The following SGCD variants were observed in gnomAD, a reference collection of about 807,000 sequenced individuals.
The protein encoded by SGCD is sarcoglycan delta.
Under a neutral mutation model 36.6 loss-of-function variants are expected in SGCD, and 18 were observed. The ratio of observed to expected loss-of-function variants is 0.49; its 90% CI spans 0.34 to 0.73. The LOEUF (loss-of-function observed/expected upper bound fraction) is 0.73, where lower values mean the gene tolerates loss of function less well. SGCD is among the 30% of genes least tolerant of loss of function. The probability of loss-of-function intolerance (pLI) is 0.01; values close to 1 mark genes in which losing one functional copy is unlikely to be tolerated. For synonymous variants in SGCD, 133 were observed against 130.6 expected (o/e 1.02, Z -0.12); for missense variants, 387 against 346.7 (o/e 1.12, Z -0.92).
chr5:156,704,248 G>C (rs1001650260), intron 7 of SGCD: 1 of 152,098 alleles, frequency 6.6e-6, no homozygotes, highest in African/African-American at 2.4e-5. Flanking sequence ...ATATCCGCCA[G>C]GCTTCTATCC....
At chr5:156,725,492 G>C (rs548159506) in intron 7 of SGCD, among the ~76,000 whole-genome samples, 1 of 152,212 alleles carries the variant, frequency 6.6e-6, no homozygotes, top group African/African-American at 2.4e-5. Flanking sequence ...ATGTGAGATG[G>C]AGTCCAGAGC....
intron 3 of SGCD, among the ~76,000 whole-genome samples, chr5:156,287,151 G>A (rs1292283460): frequency 1.3e-5 from 2 of 152,068 alleles, no homozygotes; most frequent in Non-Finnish European, 2.9e-5. Flanking sequence ...CCTAGTACAT[G>A]GGCTATTATA....
the SGCD span, among the ~76,000 whole-genome samples, chr5:155,754,000 T>G: frequency 3.3e-5 from 5 of 152,214 alleles, no homozygotes; most frequent in African/African-American, 1.2e-4. Context: ...ACTGACATGA[T>G]TCACTCATTG....
chr5:156,689,449 T>C (rs1288192797), intron 7 of SGCD, among the ~76,000 whole-genome samples: 2 of 152,048 alleles, frequency 1.3e-5, no homozygotes, highest in Non-Finnish European at 2.9e-5. Context: ...CAAAAAGGAA[T>C]ATGAGGGATA....
intron 1 of SGCD, among the ~76,000 whole-genome samples, chr5:155,991,669 C>A (rs1364887571): frequency 1.3e-5 from 2 of 152,144 alleles, no homozygotes; most frequent in African/African-American, 4.8e-5. Flanking sequence ...TGATAGCATT[C>A]TTTTGAACTC....
chr5:156,647,988 C>G (rs1763295207), intron 7 of SGCD, among the ~76,000 whole-genome samples: 2 of 152,114 alleles, frequency 1.3e-5, no homozygotes, highest in Non-Finnish European at 2.9e-5. Context: ...GTTCCAGGTG[C>G]TGATGTTAAT....
chr5:156,463,785 A>G (rs1452586224), intron 3 of SGCD, among the ~76,000 whole-genome samples: 1 of 152,140 alleles, frequency 6.6e-6, no homozygotes, highest in African/African-American at 2.4e-5. Flanking sequence ...GCTTTAGCTC[A>G]GGAGTTCTAG....
At chr5:156,753,292 G>A (rs775691851) in intron 7 of SGCD, among the ~76,000 whole-genome samples, 2 of 152,166 alleles carry the variant, frequency 1.3e-5, no homozygotes, top group Non-Finnish European at 1.5e-5. Flanking sequence ...CTTCAGTGAG[G>A]CTCTTCTTTC....
intron 6 of SGCD, among the ~76,000 whole-genome samples, chr5:156,615,738 A>C (rs1329007105): frequency 6.6e-6 from 1 of 152,226 alleles, no homozygotes. Flanking sequence ...AGGGAGATAG[A>C]TACACTTGGC....
chr5:156,132,529 C>T (rs565554038), intron 3 of SGCD, among the ~76,000 whole-genome samples: 15 of 120,828 alleles, frequency 1.2e-4, no homozygotes, highest in African/African-American at 4.3e-4. Flanking sequence ...ACTGCAGTGG[C>T]GCTATCCCGG....
At chr5:156,478,287 T>G (rs1444644673) in intron 3 of SGCD, among the ~76,000 whole-genome samples, 1 of 152,170 alleles carries the variant, frequency 6.6e-6, no homozygotes, top group Non-Finnish European at 1.5e-5. Flanking sequence ...AGCCAGGAGT[T>G]GAGCTCAGCC....
intron 3 of SGCD, among the ~76,000 whole-genome samples, chr5:156,376,650 AG>A (rs1770685349): frequency 6.6e-6 from 1 of 152,162 alleles, no homozygotes; most frequent in South Asian, 2.1e-4. Context: ...TATGTGCATC[AG>A]ATTTTTTTTT....
chr5:156,293,843 A>C (rs1766823444), intron 3 of SGCD, among the ~76,000 whole-genome samples: 1 of 152,128 alleles, frequency 6.6e-6, no homozygotes, highest in African/African-American at 2.4e-5. Flanking sequence ...TTTCTACTGC[A>C]AGAAAGAAAG....
intron 1 of SGCD, among the ~76,000 whole-genome samples, chr5:155,975,866 G>A (rs569711022): frequency 2.6e-5 from 4 of 151,846 alleles, no homozygotes; most frequent in African/African-American, 9.7e-5. Flanking sequence ...CTGACCTCAG[G>A]TGATCTGCCC....
At chr5:156,136,027 A>G (rs1346385660) in intron 3 of SGCD, among the ~76,000 whole-genome samples, 1 of 152,214 alleles carries the variant, frequency 6.6e-6, no homozygotes, top group African/African-American at 2.4e-5. Flanking sequence ...AAACTCCCTC[A>G]CAAATCGAAA....
intron 1 of SGCD, among the ~76,000 whole-genome samples, chr5:155,941,948 A>G (rs556733791): frequency 4.6e-5 from 7 of 152,334 alleles, no homozygotes; most frequent in African/African-American, 1.7e-4. Context: ...CTCCTAGTGC[A>G]GAGAAGGTCA....
the SGCD span, among the ~76,000 whole-genome samples, chr5:155,852,117 C>T: frequency 6.6e-6 from 1 of 152,176 alleles, no homozygotes; most frequent in Non-Finnish European, 1.5e-5. Flanking sequence ...TTGCCTATTC[C>T]ACCTGTATGT....
chr5:156,280,298 C>A (rs938078396), intron 3 of SGCD, among the ~76,000 whole-genome samples: 2 of 152,102 alleles, frequency 1.3e-5, no homozygotes, highest in African/African-American at 4.8e-5. Flanking sequence ...GTATCCAATG[C>A]CATTATCACT....
chr5:156,654,997 T>C (rs756800230), intron 7 of SGCD, among the ~76,000 whole-genome samples: 82 of 152,270 alleles, frequency 5.4e-4, no homozygotes, highest in Admixed American at 2.7e-3. Context: ...AAAAGCTATT[T>C]GTTAAGAGGT....
Sources: gnomAD v4.1 joint callset for allele counts (sites outside exome capture counted in the v4.1 genomes callset) on GRCh38, gnomAD v4.1.1 for gene constraint, MANE v1.5 for transcripts, NCBI Gene and HGNC (gene_info 2026-07-23, HGNC 2026-07-21) for gene names.